The following CNTN4 variants were observed in gnomAD, a reference collection of about 807,000 sequenced individuals.
CNTN4 encodes contactin-4.
A neutral mutation model predicts 122.5 loss-of-function variants in CNTN4; 77 were observed. The observed-to-expected ratio is 0.63, with a 90% CI of 0.52 to 0.76. CNTN4 has a LOEUF of 0.76. CNTN4 is among the 30% of genes least tolerant of loss of function. The probability of loss-of-function intolerance (pLI) is 0.00; values close to 1 mark genes in which losing one functional copy is unlikely to be tolerated. For missense variants in CNTN4, 1,256 were observed against 1,259.1 expected (o/e 1.00, Z 0.04); for synonymous variants, 512 against 447.0 (o/e 1.15, Z -1.83).
chr3:2,571,124 A>G (rs891967258), intron 3 of CNTN4, among the ~76,000 whole-genome samples: 1 of 152,212 alleles, frequency 6.6e-6, no homozygotes, highest in Non-Finnish European at 1.5e-5. Context: ...CTTGCAAAGC[A>G]TAGTGCATTC....
intron 3 of CNTN4, among the ~76,000 whole-genome samples, chr3:2,508,155 G>T (rs561444452): frequency 1.3e-5 from 2 of 152,196 alleles, no homozygotes; most frequent in African/African-American, 4.8e-5. Flanking sequence ...CCATACTTTT[G>T]GCTTACTTCT....
chr3:2,820,234 C>A (rs1436921438), intron 7 of CNTN4, among the ~76,000 whole-genome samples: 1 of 152,144 alleles, frequency 6.6e-6, no homozygotes, highest in African/African-American at 2.4e-5. Context: ...TAACTCCCTC[C>A]TTGGCTTCCA....
rs192610472 is a variant in CNTN4 at position 2,672,027 on chromosome 3, G to C, written c.56-64188G>C. Among the ~76,000 whole-genome samples the C allele has an allele frequency of 7.2e-5, 11 of 152,314 alleles. No homozygotes were observed. The East Asian group carries it at 1.9e-3, about 27-fold the overall frequency. ...TGTGAGGTGTCAGTCTGCCCCTACT[G>C]GGGGGTGCCTCCCAGTTAGGCTACT... On this transcript the variant is annotated intron_variant, in intron 4 of 24. Transcript: ENST00000418658.
chr3:2,721,048 C>G (rs1348414837), intron 4 of CNTN4, among the ~76,000 whole-genome samples: 1 of 152,214 alleles, frequency 6.6e-6, no homozygotes, highest in Non-Finnish European at 1.5e-5. Flanking sequence ...TCTCGGCTCA[C>G]TGCAACCTCC....
At chr3:2,619,972 T>C (rs1208906738) in intron 4 of CNTN4, among the ~76,000 whole-genome samples, 2 of 150,506 alleles carry the variant, frequency 1.3e-5, no homozygotes, top group African/African-American at 4.9e-5. Flanking sequence ...GGTACTTTTT[T>C]CCCCTGGCAT....
intron 7 of CNTN4, among the ~76,000 whole-genome samples, chr3:2,839,648 G>A (rs1400442673): frequency 6.6e-6 from 1 of 152,172 alleles, no homozygotes; most frequent in Non-Finnish European, 1.5e-5. Flanking sequence ...AAGATAATAG[G>A]GGTTGGGAAG....
intron 24 of CNTN4, among the ~76,000 whole-genome samples, chr3:3,054,302 CA>C (rs1376764040): frequency 2.0e-5 from 1 of 50,778 alleles, no homozygotes; most frequent in Non-Finnish European, 6.8e-5. Flanking sequence ...AAGTGAAAAG[CA>C]TTGACTCAGT....
intron 13 of CNTN4, among the ~76,000 whole-genome samples, chr3:2,987,013 A>G (rs1559756293): frequency 1.3e-5 from 2 of 152,204 alleles, no homozygotes; most frequent in African/African-American, 4.8e-5. Context: ...GAACCACCGT[A>G]AACAGTGAGT....
intron 14 of CNTN4, among the ~76,000 whole-genome samples, chr3:2,991,915 C>G (rs1695088472): frequency 6.6e-6 from 1 of 152,168 alleles, no homozygotes; most frequent in African/African-American, 2.4e-5. Flanking sequence ...GTATTCTTTC[C>G]GATTTCCTCA....
chr3:2,622,767 G>C lies in CNTN4; in HGVS notation c.55+51209G>C, dbSNP rs9855888. ...ATGTGTGTTAATATATCCATTTACAGATGAAGTAATGGAAACTCAGATAAG... is the reference window on the plus strand; with the variant it reads ...ATGTGTGTTAATATATCCATTTACACATGAAGTAATGGAAACTCAGATAAG... On this transcript the variant is annotated intron_variant, in intron 4 of 24. Coordinates refer to ENST00000418658, the MANE Select transcript of CNTN4 (RefSeq NM_175607.3). Among the ~76,000 whole-genome samples the C allele has an allele frequency of 6.1e-3, 935 of 152,276 alleles. 9 individuals are homozygous for C. The highest frequency in any genetic ancestry group is 0.021 in the African/African-American group (889 of 41,554).
intron 2 of CNTN4, among the ~76,000 whole-genome samples, chr3:2,313,315 T>C (rs2042979012): frequency 6.6e-6 from 1 of 151,994 alleles, no homozygotes; most frequent in Non-Finnish European, 1.5e-5. Context: ...GGATAATATT[T>C]TTATCAATGC....
chr3:2,787,248 C>T (rs1301251410), intron 6 of CNTN4, among the ~76,000 whole-genome samples: 16 of 151,962 alleles, frequency 1.1e-4, no homozygotes, highest in South Asian at 2.1e-4. Context: ...TGGTGGCGGG[C>T]GCCTGTAGTC....
At chr3:2,524,451 G>A (rs2077328881) in intron 3 of CNTN4, among the ~76,000 whole-genome samples, 1 of 151,978 alleles carries the variant, frequency 6.6e-6, no homozygotes, top group African/African-American at 2.4e-5. Flanking sequence ...TGAATAATCT[G>A]GAATCGTTTT....
At chr3:2,817,893 C>G (rs75363501) in intron 6 of CNTN4, among the ~76,000 whole-genome samples, 1 of 152,164 alleles carries the variant, frequency 6.6e-6, no homozygotes, top group African/African-American at 2.4e-5. Context: ...GAAGGAATCT[C>G]AGACCATTTC....
At chr3:2,228,488 G>A (rs1236256344) in intron 2 of CNTN4, among the ~76,000 whole-genome samples, 2 of 151,964 alleles carry the variant, frequency 1.3e-5, no homozygotes, top group African/African-American at 4.8e-5. Context: ...TATATCATCT[G>A]GCCCTTTGTG....
At chr3:2,915,944 C>T (rs1230513421) in intron 12 of CNTN4, among the ~76,000 whole-genome samples, 1 of 152,172 alleles carries the variant, frequency 6.6e-6, no homozygotes, top group Non-Finnish European at 1.5e-5. Flanking sequence ...GCAAATACTT[C>T]ATGATTCCAC....
chr3:2,866,198 C>T (rs2093722427), intron 7 of CNTN4, among the ~76,000 whole-genome samples: 1 of 152,096 alleles, frequency 6.6e-6, no homozygotes, highest in Non-Finnish European at 1.5e-5. Flanking sequence ...CTAACTAGAG[C>T]TAAGAATTTG....
chr3:2,389,475 A>C lies in CNTN4; in HGVS notation c.-89+50242A>C, dbSNP rs112626743. 1.4e-3 allele frequency among the ~76,000 whole-genome samples: 214 copies of C among 152,280 alleles called. 2 individuals are homozygous for C. In the Middle Eastern group the frequency reaches 0.031, roughly 22 times the overall value. On this transcript the variant is annotated intron_variant, in intron 3 of 24. Transcript: ENST00000418658. ...TCAACTATCTTTCATAAATGATCCCAGTTCTACTACTGATCGCCTTATTTT... is the reference window on the plus strand; with the variant it reads ...TCAACTATCTTTCATAAATGATCCCCGTTCTACTACTGATCGCCTTATTTT...
intron 4 of CNTN4, among the ~76,000 whole-genome samples, chr3:2,699,555 A>C (rs780650372): frequency 7.9e-5 from 12 of 152,176 alleles, no homozygotes; most frequent in Non-Finnish European, 1.8e-4. Flanking sequence ...ACATTTGGAG[A>C]ATAACTCAGT....
Sources: allele counts gnomAD v4.1 joint callset (sites outside exome capture counted in the v4.1 genomes callset), GRCh38; gene constraint gnomAD v4.1.1; transcripts MANE v1.5; gene names NCBI Gene and HGNC (gene_info 2026-07-23, HGNC 2026-07-21).